The following TBCE variants were observed in gnomAD, a reference collection of about 807,000 sequenced individuals.
TBCE encodes the protein tubulin-specific chaperone E.
Under a neutral mutation model 77.0 loss-of-function variants are expected in TBCE, and 53 were observed. The observed-to-expected ratio is 0.69, with a 90% CI of 0.55 to 0.87. The LOEUF is 0.87. TBCE is among the 40% of genes least tolerant of loss of function. The pLI is 0.00. For missense variants in TBCE, 624 were observed against 622.4 expected, an observed-to-expected ratio of 1.00 and a Z score of -0.03; for synonymous variants, 235 against 241.3, an observed-to-expected ratio of 0.97 and a Z score of 0.24.
intron 3 of TBCE, among the ~76,000 whole-genome samples, chr1:235,402,105 C>T (rs1475632857): frequency 1.3e-5 from 2 of 149,474 alleles, no homozygotes; most frequent in African/African-American, 5.0e-5. Flanking sequence ...CACTCTGTCG[C>T]CCAGCTGGAG....
intron 2 of TBCE, among the ~76,000 whole-genome samples, chr1:235,395,730 AGACGGG>A (rs1678682953): frequency 6.6e-6 from 1 of 151,800 alleles, no homozygotes; most frequent in South Asian, 2.1e-4. Context: ...TTTTTAATGG[AGACGGG>A]GATTTGCCAT....
intron 1 of TBCE, 37 bp from the exon 2 acceptor site, chr1:235,379,982 T>C: frequency 1.5e-6 from 2 of 1,314,066 alleles, no homozygotes; most frequent in East Asian, 2.4e-5. Context: ...AAAGGAATTG[T>C]ATTAAGTTCT....
chr1:235,399,230 CAG>C (rs1678935254), intron 2 of TBCE, among the ~76,000 whole-genome samples: 1 of 152,164 alleles, frequency 6.6e-6, no homozygotes, highest in Non-Finnish European at 1.5e-5. Context: ...GCTGGGATTA[CAG>C]GCGTGAGCCA....
intron 4 of TBCE, among the ~76,000 whole-genome samples, chr1:235,416,402 T>C (rs1041659972): frequency 7.2e-5 from 11 of 151,978 alleles, no homozygotes; most frequent in Non-Finnish European, 1.5e-4. Context: ...GGTGCGTGCC[T>C]ATAGTCCCAA....
In TBCE at chr1:235,442,881, G is replaced by T. The variant is rs746647958; in HGVS notation, c.1369G>T (p.Asp457Tyr). The T allele has an allele frequency of 6.2e-7, 1 of 1,613,994 alleles. No individual in the cohort carries two copies. Among genetic ancestry groups the T allele is most frequent in the South Asian group, 1.1e-5 (1 of 91,060 alleles). ...TLKIKYPHQL[D>Y]QKVLEKQLPG... ...GAAGATAAAATACCCTCATCAACTT[G>T]ATCAGAAAGTCCTGGAGAAACAACT... Residue 457 changes from aspartate to tyrosine, a missense_variant, in exon 15 of 17, where the codon GAT (aspartate) becomes TAT (tyrosine). Coordinates refer to ENST00000642610, the MANE Select transcript of TBCE (RefSeq NM_003193.5).
intron 2 of TBCE, among the ~76,000 whole-genome samples, chr1:235,381,026 T>A (rs937990891): frequency 1.3e-5 from 2 of 152,042 alleles, no homozygotes; most frequent in African/African-American, 4.8e-5. Context: ...GTGTTCTGCC[T>A]GCCTCGGCCT....
chr1:235,441,741 T>G, intron 13 of TBCE, 73 bp from the exon 14 acceptor site: 2 of 1,384,786 alleles, frequency 1.4e-6, no homozygotes, highest in Non-Finnish European at 2.0e-6. Flanking sequence ...CTATCCTTTG[T>G]TTGTTTGTTT....
chr1:235,425,093 C>T (rs1030058909), intron 5 of TBCE, among the ~76,000 whole-genome samples: 17 of 152,142 alleles, frequency 1.1e-4, no homozygotes, highest in Non-Finnish European at 2.2e-4. Flanking sequence ...TGGCACTCCT[C>T]CACGGCCTGC....
At chr1:235,431,515 T>C (rs59566100) in intron 7 of TBCE, among the ~76,000 whole-genome samples, 3,428 of 144,058 alleles carry the variant, frequency 0.024, 139 homozygotes, top group African/African-American at 0.083. Flanking sequence ...GCATGTGCCA[T>C]CACACCCAGC....
chr1:235,405,635 C>CA (rs768409443), intron 3 of TBCE, among the ~76,000 whole-genome samples: 401 of 136,742 alleles, frequency 2.9e-3, no homozygotes, highest in African/African-American at 8.9e-3. Context: ...AACTGTGTCT[C>CA]AAAAAAAAAA....
At chr1:235,393,142 A>G (rs1678495957) in intron 2 of TBCE, among the ~76,000 whole-genome samples, 2 of 152,228 alleles carry the variant, frequency 1.3e-5, no homozygotes, top group Admixed American at 1.3e-4. Context: ...TTTCACCAAA[A>G]TGAAATGTTT....
rs188332874 is a variant in TBCE at position 235,393,478 on chromosome 1, C to T, written c.101-8025C>T. 7.4e-3 allele frequency among the ~76,000 whole-genome samples: 1,129 copies of T among 152,168 alleles called. 6 individuals carry two copies. The highest frequency in any genetic ancestry group is 8.9e-3 in the Non-Finnish European group (606 of 68,012). ...GCTTGAACCCAGGAGGTGGAGGTTG[C>T]GGTGAGCCGAGATGGCGCCACTGCA... On this transcript the variant is annotated intron_variant, in intron 2 of 16. Transcript: ENST00000642610.
chr1:235,398,091 A>G (rs943247045), intron 2 of TBCE, among the ~76,000 whole-genome samples: 1 of 151,348 alleles, frequency 6.6e-6, no homozygotes, highest in Non-Finnish European at 1.5e-5. Context: ...TGTAGCATCC[A>G]TCAATTCAAC....
chr1:235,435,955 T>C, intron 9 of TBCE, 115 bp downstream of exon 9: 1 of 960,718 alleles, frequency 1.0e-6, no homozygotes, highest in Non-Finnish European at 1.6e-6. Context: ...ATGGAATTTC[T>C]AAATTGAGTA....
intron 2 of TBCE, among the ~76,000 whole-genome samples, chr1:235,395,869 G>A (rs1163721701): frequency 6.6e-6 from 1 of 151,672 alleles, no homozygotes; most frequent in Admixed American, 6.6e-5. Flanking sequence ...ATCTCCATGA[G>A]TTCAATTATT....
intron 4 of TBCE, 116 bp from the exon 5 acceptor site, chr1:235,419,357 T>C (rs1680266165): frequency 1.4e-6 from 2 of 1,432,104 alleles, no homozygotes; most frequent in Non-Finnish European, 1.9e-6. Flanking sequence ...TGGTTACTGG[T>C]ATTTGTATAT....
chr1:235,371,990 A>AT (rs1303798957), intron 1 of TBCE, among the ~76,000 whole-genome samples: 28 of 147,264 alleles, frequency 1.9e-4, no homozygotes, highest in African/African-American at 6.8e-4. Flanking sequence ...TCATTTTTTC[A>AT]TTTTTTTGTA....
intron 3 of TBCE, among the ~76,000 whole-genome samples, chr1:235,403,554 G>A (rs1280561220): frequency 6.6e-6 from 1 of 152,050 alleles, no homozygotes; most frequent in Non-Finnish European, 1.5e-5. Flanking sequence ...CTTCCTTCTT[G>A]TAAAAGCTTG....
At position 235,450,306 on chromosome 1, in the gene TBCE, G is replaced by T; in HGVS notation, c.*1544G>T. 1 of 1,613,958 alleles carries T rather than the reference G, an allele frequency of 6.2e-7. No homozygotes were observed. Among genetic ancestry groups the T allele is most frequent in the Non-Finnish European group, 8.5e-7 (1 of 1,179,802 alleles). On this transcript the variant is annotated 3_prime_UTR_variant, in exon 17 of 17. Transcript: ENST00000642610. ...ATACTGAGGAGAAGACAGCATTCCT[G>T]TCTCACAGGTCTTCTCACACAGCCA...
Sources: allele counts gnomAD v4.1 joint callset (sites outside exome capture counted in the v4.1 genomes callset), GRCh38; gene constraint gnomAD v4.1.1; transcripts MANE v1.5; gene names NCBI Gene and HGNC (gene_info 2026-07-23, HGNC 2026-07-21).